BIN3: variants seen among roughly 807,000 people sequenced by gnomAD.
BIN3 encodes bridging integrator 3.
A neutral mutation model predicts 38.2 loss-of-function variants in BIN3; 41 were observed. The ratio of observed to expected loss-of-function variants is 1.07; its 90% CI spans 0.84 to 1.39. The LOEUF (loss-of-function observed/expected upper bound fraction) is 1.39, where lower values mean the gene tolerates loss of function less well. BIN3 is among the 40% of genes most tolerant of loss of function. BIN3 has a pLI of 0.00. For synonymous variants in BIN3, 145 were observed against 122.6 expected (o/e 1.18, Z -1.21); for missense variants, 361 against 324.3 (o/e 1.11, Z -0.87).
chr8:22,630,323 C>T, intron 5 of BIN3, 119 bp downstream of exon 5: 1 of 1,414,180 alleles, frequency 7.1e-7, no homozygotes, highest in Non-Finnish European at 9.6e-7. Flanking sequence ...CACACGAGGC[C>T]AGAGGGCTTA....
intron 1 of BIN3, among the ~76,000 whole-genome samples, chr8:22,658,752 T>C (rs1338158782): frequency 1.3e-5 from 2 of 152,192 alleles, no homozygotes; most frequent in East Asian, 1.9e-4. Context: ...CTTTCTGCTA[T>C]CTCTAGCTGG....
intron 1 of BIN3, among the ~76,000 whole-genome samples, chr8:22,665,031 G>A (rs1803369760): frequency 1.3e-5 from 2 of 152,218 alleles, no homozygotes; most frequent in Non-Finnish European, 2.9e-5. Flanking sequence ...TGTCGCTCCT[G>A]TTCTCATGGG....
chr8:22,639,104 G>C (rs1011410466), intron 2 of BIN3, among the ~76,000 whole-genome samples: 2 of 152,270 alleles, frequency 1.3e-5, no homozygotes, highest in East Asian at 1.9e-4. Flanking sequence ...CAGGGCCCTT[G>C]AAAGTCTGTA....
At position 22,620,472 on chromosome 8, in the gene BIN3, C is replaced by T. The variant is rs1357509986; in HGVS notation, c.*950G>A. 8.6e-6 allele frequency: 1 copy of T among 116,198 alleles called. No individual in the cohort carries two copies. Among genetic ancestry groups the T allele is most frequent in the Non-Finnish European group, 1.7e-5 (1 of 57,630 alleles). 7.2% of individuals were successfully genotyped at this position (116,198 alleles called of 1,614,324 possible). ...TAAATAAACCAAAGTCAAAAACAAA[C>T]TGAGAGTGTGTCCTCCACAGCTCTT... On this transcript the variant is annotated 3_prime_UTR_variant, in exon 9 of 9. Transcript: ENST00000276416.
At chr8:22,630,040 G>C (rs750103909) in intron 5 of BIN3, 36 bp from the exon 6 acceptor site, 1 of 1,583,704 alleles carries the variant, frequency 6.3e-7, no homozygotes, top group Non-Finnish European at 8.6e-7. Context: ...TAAAACTGGT[G>C]GGGAGGGGAG....
In BIN3 at chr8:22,623,895, A is replaced by C; in HGVS notation, c.615+20T>G. The C allele has an allele frequency of 6.2e-7, 1 of 1,609,684 alleles. No individual in the cohort carries two copies. The highest frequency in any genetic ancestry group is 8.5e-7 in the Non-Finnish European group (1 of 1,178,458). ...AGCTGTGTATACCAAGCCCAGGGGA[A>C]GAGCACCTGGCGGCCTCACCTGAGC... On this transcript the variant is annotated intron_variant, in intron 8 of 8. Coordinates refer to ENST00000276416, the MANE Select transcript of BIN3 (RefSeq NM_018688.6).
intron 6 of BIN3, among the ~76,000 whole-genome samples, chr8:22,626,694 CCT>C (rs1459780616): frequency 2.6e-5 from 4 of 152,170 alleles, no homozygotes; most frequent in Admixed American, 1.3e-4. Context: ...ATCCCACCAC[CCT>C]GAGCTCACAT....
rs557797079 is a variant in BIN3 at position 22,664,448 on chromosome 8, G to A, written c.8+4596C>T. Among the ~76,000 whole-genome samples the A allele has an allele frequency of 2.6e-5, 4 of 152,374 alleles. No homozygotes were observed. In the East Asian group the frequency reaches 7.7e-4, roughly 29 times the overall value. On this transcript the variant is annotated intron_variant, in intron 1 of 8. Coordinates refer to ENST00000276416, the MANE Select transcript of BIN3 (RefSeq NM_018688.6). ...CACAGAGGACATGAGTGATGAGGCT[G>A]CCTTAGGCAGGGGCCCCATAGGTGG... is the stretch of plus-strand genomic sequence containing the variant.
In BIN3 at chr8:22,621,278, GGAA is replaced by G. The variant is rs202037271; in HGVS notation, c.*141_*143del. On this transcript the variant is annotated 3_prime_UTR_variant, in exon 9 of 9. Transcript: ENST00000276416. ...CCTAGGGCTCCTGGTGCCAGGCTCA[GGAA>G]GAGTCATTCATTGCAAAGGGCCGGC... The G allele has an allele frequency of 7.1e-3, 8,076 of 1,143,714 alleles. 39 individuals are homozygous for G. The highest frequency in any genetic ancestry group is 0.016 in the Middle Eastern group (57 of 3,586). 70.8% of individuals were successfully genotyped at this position (1,143,714 alleles called of 1,614,324 possible).
intron 3 of BIN3, 86 bp from the exon 4 acceptor site, chr8:22,636,672 G>A (rs1207083901): frequency 7.1e-7 from 1 of 1,400,788 alleles, no homozygotes; most frequent in Non-Finnish European, 9.8e-7. Flanking sequence ...GCCTGCCAAG[G>A]AGGAGGAGAA....
chr8:22,645,515 AAAGGGG>A (rs942509769), intron 1 of BIN3, among the ~76,000 whole-genome samples: 6 of 151,340 alleles, frequency 4.0e-5, no homozygotes, highest in African/African-American at 1.5e-4. Context: ...AGAAGGGAAG[AAAGGGG>A]AAGGGGAGGG....
chr8:22,638,771 C>T (rs1802449437), intron 2 of BIN3, among the ~76,000 whole-genome samples: 1 of 152,212 alleles, frequency 6.6e-6, no homozygotes, highest in African/African-American at 2.4e-5. Context: ...CTAGAACCTT[C>T]CACAAAACTG....
rs1474117281 is a variant in BIN3, at chr8:22,655,226, G to C, written c.9-10423C>G. Among the ~76,000 whole-genome samples, 4 of 152,148 alleles carry C rather than the reference G, an allele frequency of 2.6e-5. No homozygotes were observed. The East Asian group carries it at 7.7e-4, about 29-fold the overall frequency. The stretch of plus-strand genomic sequence containing the variant: ...CAGAAATATTTTCTCTCATCCATGG[G>C]CTGGGTTTCCACTTTCTTAATGGTG... On this transcript the variant is annotated intron_variant, in intron 1 of 8. Transcript: ENST00000276416.
chr8:22,646,163 A>C (rs1477536559), intron 1 of BIN3, among the ~76,000 whole-genome samples: 1 of 152,196 alleles, frequency 6.6e-6, no homozygotes, highest in Non-Finnish European at 1.5e-5. Flanking sequence ...TGAGCATTCT[A>C]TGATTCTCCA....
At position 22,624,067 on chromosome 8, in the gene BIN3, G is replaced by C. The variant is rs1008310324; in HGVS notation, c.481-18C>G. On this transcript the variant is annotated intron_variant, in intron 7 of 8. Coordinates refer to ENST00000276416, the MANE Select transcript of BIN3 (RefSeq NM_018688.6). Reference sequence around the variant, plus strand: ...TCTCGTGCCTAGGGAACAAGACCTGGGTGTCAAAACTCTCTCACTGCTGGG... The same window carrying C: ...TCTCGTGCCTAGGGAACAAGACCTGCGTGTCAAAACTCTCTCACTGCTGGG... The C allele has an allele frequency of 1.2e-6, 2 of 1,610,588 alleles. No individual in the cohort carries two copies. Among genetic ancestry groups the C allele is most frequent in the Non-Finnish European group, 1.7e-6 (2 of 1,177,804 alleles).
At chr8:22,663,421 T>C (rs1416213643) in intron 1 of BIN3, among the ~76,000 whole-genome samples, 1 of 129,366 alleles carries the variant, frequency 7.7e-6, no homozygotes, top group Non-Finnish European at 1.6e-5. Context: ...TGGGCAACAG[T>C]GAGACCCCCC....
At chr8:22,663,440 TAAAAAAAAAAAAA>T (rs35060338) in intron 1 of BIN3, among the ~76,000 whole-genome samples, 2 of 128,682 alleles carry the variant, frequency 1.6e-5, no homozygotes, top group East Asian at 2.1e-4. Flanking sequence ...CCGATTTGTT[TAAAAAAAAAAAAA>T]AAAAAAAAAG....
intron 1 of BIN3, among the ~76,000 whole-genome samples, chr8:22,660,859 CCT>C (rs1803212969): frequency 6.6e-6 from 1 of 152,046 alleles, no homozygotes; most frequent in South Asian, 2.1e-4. Context: ...AGTATCGCAC[CCT>C]GAGATTGTAT....
At chr8:22,662,855 G>A (rs1038978758) in intron 1 of BIN3, among the ~76,000 whole-genome samples, 13 of 152,174 alleles carry the variant, frequency 8.5e-5, no homozygotes, top group African/African-American at 2.9e-4. Flanking sequence ...AAACAAACAA[G>A]GCTGGCCGCG....
Sources: allele counts gnomAD v4.1 joint callset (sites outside exome capture counted in the v4.1 genomes callset), GRCh38; gene constraint gnomAD v4.1.1; transcripts MANE v1.5; gene names NCBI Gene and HGNC (gene_info 2026-07-23, HGNC 2026-07-21).